The following RBFOX1 variants were observed in gnomAD, a reference collection of about 807,000 sequenced individuals.
RBFOX1 encodes the protein RNA binding protein fox-1 homolog 1.
Under a neutral mutation model 57.7 loss-of-function variants are expected in RBFOX1, and 8 were observed. That is an observed-to-expected ratio of 0.14 (90% CI 0.08 to 0.25). The LOEUF (loss-of-function observed/expected upper bound fraction) is 0.25, where lower values mean the gene tolerates loss of function less well. Ranked by LOEUF, RBFOX1 falls within the 10% of genes least tolerant of loss-of-function variation. RBFOX1 has a pLI of 1.00. For synonymous variants in RBFOX1, 326 were observed against 222.4 expected, an observed-to-expected ratio of 1.47 and a Z score of -4.15; for missense variants, 611 against 548.5, an observed-to-expected ratio of 1.11 and a Z score of -1.14.
At chr16:6,346,085 T>G (rs2085324923) in intron 2 of RBFOX1, among the ~76,000 whole-genome samples, 1 of 152,136 alleles carries the variant, frequency 6.6e-6, no homozygotes, top group African/African-American at 2.4e-5. Flanking sequence ...GAGGGATGAC[T>G]TTGAATAGAA....
chr16:6,987,329 G>C (rs2090506695), intron 3 of RBFOX1, among the ~76,000 whole-genome samples: 1 of 152,116 alleles, frequency 6.6e-6, no homozygotes, highest in African/African-American at 2.4e-5. Context: ...AGGAGGAAGT[G>C]AGTGGAGAAC....
intron 2 of RBFOX1, among the ~76,000 whole-genome samples, chr16:6,441,713 C>T (rs948116163): frequency 5.8e-4 from 89 of 152,312 alleles, no homozygotes; most frequent in African/African-American, 2.1e-3. Context: ...CCACCTCGTG[C>T]AGTCAGCTTC....
chr16:6,873,131 G>GAA (rs555045539), intron 3 of RBFOX1, among the ~76,000 whole-genome samples: 19 of 132,878 alleles, frequency 1.4e-4, no homozygotes, highest in South Asian at 4.9e-4. Flanking sequence ...CTATGCATTG[G>GAA]AAAAAAAAAA....
At position 5,947,628 on chromosome 16, in the gene RBFOX1, G is replaced by T. The variant is rs535101469; in HGVS notation, c.351+80293G>T. 6.6e-6 allele frequency among the ~76,000 whole-genome samples: 1 copy of T among 152,220 alleles called. No individual in the cohort carries two copies. Among genetic ancestry groups the T allele is most frequent in the African/African-American group, 2.4e-5 (1 of 41,556 alleles). On this transcript the variant is annotated intron_variant, in intron 4 of 19. Transcript: ENST00000641259. The surrounding 1 kb of genome is among the most constrained non-coding windows in gnomAD (Gnocchi z 7.2). ...ATGATCCACCATGTCTTGACCCTTC[G>T]ATTTTAGGTATTTTTATGGCATCCC...
intron 3 of RBFOX1, among the ~76,000 whole-genome samples, chr16:5,682,016 C>A (rs1359306300): frequency 6.6e-6 from 1 of 151,986 alleles, no homozygotes; most frequent in East Asian, 1.9e-4. Context: ...ATATATGAGC[C>A]TGGGGTTGAT....
At chr16:7,363,041 G>C (rs1334327364) in intron 4 of RBFOX1, among the ~76,000 whole-genome samples, 2 of 152,212 alleles carry the variant, frequency 1.3e-5, no homozygotes, top group African/African-American at 4.8e-5. Flanking sequence ...AGGATGGCCT[G>C]TAAATCACCC....
At position 7,710,612 on chromosome 16, in the gene RBFOX1, CTTTG is replaced by C; in HGVS notation, c.1072-7_1072-4del. The C allele has an allele frequency of 6.2e-7, 1 of 1,610,700 alleles. No individual in the cohort carries two copies. Among genetic ancestry groups the C allele is most frequent in the Non-Finnish European group, 8.5e-7 (1 of 1,179,158 alleles). Reference sequence around the variant, plus strand: ...TGTAAAAAACACACCCCTCAAATTGCTTTGTTTCAGAATGCTTTTGCACCTTTGA... The same window carrying C: ...TGTAAAAAACACACCCCTCAAATTGCTTTCAGAATGCTTTTGCACCTTTGA... On this transcript the variant is annotated splice_polypyrimidine_tract_variant and splice_region_variant and intron_variant, in intron 15 of 15. Transcript: ENST00000550418.
chr16:6,703,679 C>A (rs558397746), intron 3 of RBFOX1, among the ~76,000 whole-genome samples: 1 of 151,952 alleles, frequency 6.6e-6, no homozygotes, highest in East Asian at 1.9e-4. Flanking sequence ...TGCACTCCAG[C>A]CTGGATGACA....
At chr16:5,988,547 T>A (rs2060326318) in intron 4 of RBFOX1, among the ~76,000 whole-genome samples, 1 of 152,202 alleles carries the variant, frequency 6.6e-6, no homozygotes, top group Non-Finnish European at 1.5e-5. Flanking sequence ...AACCATCTGC[T>A]GTTACCCCCT....
At chr16:6,358,309 A>G (rs552899467) in intron 2 of RBFOX1, among the ~76,000 whole-genome samples, 195 of 152,274 alleles carry the variant, frequency 1.3e-3, no homozygotes, top group African/African-American at 4.4e-3. Flanking sequence ...CTCCAAAATC[A>G]ATTATGTATA....
At chr16:7,219,731 G>C (rs1056886091) in intron 4 of RBFOX1, among the ~76,000 whole-genome samples, 2 of 152,182 alleles carry the variant, frequency 1.3e-5, no homozygotes, top group African/African-American at 4.8e-5. Flanking sequence ...ATCTTTAAGA[G>C]TGGTATTGGA....
chr16:7,563,657 C>CG (rs923702243), intron 5 of RBFOX1, among the ~76,000 whole-genome samples: 3 of 151,938 alleles, frequency 2.0e-5, no homozygotes, highest in Admixed American at 6.6e-5. Flanking sequence ...TTAGTAGAGA[C>CG]GGGGGTTTCA....
chr16:7,402,406 A>G (rs992096392), intron 4 of RBFOX1, among the ~76,000 whole-genome samples: 1 of 152,216 alleles, frequency 6.6e-6, no homozygotes, highest in African/African-American at 2.4e-5. Context: ...AAGGAATATC[A>G]TCTTTGAAAA....
At chr16:7,455,089 C>G (rs973967755) in intron 4 of RBFOX1, among the ~76,000 whole-genome samples, 1 of 152,196 alleles carries the variant, frequency 6.6e-6, no homozygotes, top group Non-Finnish European at 1.5e-5. Flanking sequence ...CGATAGCAAA[C>G]CAGACCATTG....
Position 6,412,970 on chromosome 16 carries a change from C to T in RBFOX1, c.-64+95913C>T, listed in dbSNP as rs530069297. 1.4e-4 allele frequency among the ~76,000 whole-genome samples: 21 copies of T among 152,234 alleles called. No individual in the cohort carries two copies. In the East Asian group the frequency reaches 4.1e-3, roughly 29 times the overall value. On this transcript the variant is annotated intron_variant, in intron 2 of 15. Coordinates refer to ENST00000550418, the MANE Select transcript of RBFOX1 (RefSeq NM_018723.4). ...ATAAATAATTATGGAATACTCTTGC[C>T]TCAGATACTTTAATATTATTGAGAA...
chr16:5,896,109 G>C (rs2058157790), intron 4 of RBFOX1, among the ~76,000 whole-genome samples: 1 of 152,126 alleles, frequency 6.6e-6, no homozygotes, highest in South Asian at 2.1e-4. Flanking sequence ...GACTAAATTA[G>C]TATAAGGAAG....
At chr16:5,548,175 A>ATG (rs1678914314) in intron 2 of RBFOX1, among the ~76,000 whole-genome samples, 1 of 28,272 alleles carries the variant, frequency 3.5e-5, no homozygotes, top group Non-Finnish European at 9.0e-5. Context: ...AAAAAAAAAA[A>ATG]TATATATATA....
chr16:6,005,486 A>G (rs948026871), intron 4 of RBFOX1, among the ~76,000 whole-genome samples: 1 of 152,242 alleles, frequency 6.6e-6, no homozygotes, highest in African/African-American at 2.4e-5. Flanking sequence ...GATTGGTGTA[A>G]TACAAGGCAT....
At chr16:7,600,050 C>A (rs1603015903) in intron 9 of RBFOX1, among the ~76,000 whole-genome samples, 1 of 152,098 alleles carries the variant, frequency 6.6e-6, no homozygotes, top group Non-Finnish European at 1.5e-5. Flanking sequence ...CAACCAACTA[C>A]AATAACAAAA....
Sources: allele counts gnomAD v4.1 joint callset (sites outside exome capture counted in the v4.1 genomes callset), GRCh38; gene constraint gnomAD v4.1.1; non-coding constraint Gnocchi (gnomAD v3.1); transcripts MANE v1.5; gene names NCBI Gene and HGNC (gene_info 2026-07-23, HGNC 2026-07-21).